Variants in CLYBL observed in about 807,000 individuals in gnomAD.
The protein encoded by CLYBL is citramalyl-CoA lyase, mitochondrial.
Under a neutral mutation model 38.9 loss-of-function variants are expected in CLYBL, and 31 were observed. That is an observed-to-expected ratio of 0.80 (90% CI 0.60 to 1.08). The LOEUF is 1.08. CLYBL is among the 50% of genes least tolerant of loss of function. The pLI, the probability that CLYBL is intolerant of heterozygous loss-of-function variation, is 0.00. For synonymous variants in CLYBL, 171 were observed against 158.6 expected (o/e 1.08, Z -0.59); for missense variants, 434 against 411.6 (o/e 1.05, Z -0.47).
At chr13:99,755,154 C>T (rs187122061) in intron 1 of CLYBL, among the ~76,000 whole-genome samples, 191 of 152,294 alleles carry the variant, frequency 1.3e-3, no homozygotes, top group African/African-American at 4.4e-3. Flanking sequence ...GCCTCGGCCT[C>T]CCAGAGTGCT....
In CLYBL at chr13:99,606,703, T is replaced by C. The variant is rs749597182; in HGVS notation, c.8T>C (p.Leu3Pro). 8 of 1,491,624 alleles carry C rather than the reference T, an allele frequency of 5.4e-6. No homozygotes were observed. Among genetic ancestry groups the C allele is most frequent in the Non-Finnish European group, 7.1e-6 (8 of 1,127,108 alleles). 92.4% of individuals were successfully genotyped at this position (1,491,624 alleles called of 1,614,324 possible). A position where few individuals can be genotyped will look rare whatever the true frequency, so the allele number is the denominator to read the frequency against. The change falls in exon 1 of 9, where the codon CTA becomes CCA. Residue 3 changes from leucine to proline, a missense_variant. Coordinates refer to ENST00000339105, the MANE Select transcript of CLYBL (RefSeq NM_206808.5). ...GGCGCGCGCGTCGGGAAGATGGCGC[T>C]ACGTCTGCTGCGGAGGGCGGCGCGC... The part of the protein sequence containing the change: MA[L>P]RLLRRAARGA...
chr13:99,778,081 C>T (rs1376975694), intron 2 of CLYBL, among the ~76,000 whole-genome samples: 1 of 152,212 alleles, frequency 6.6e-6, no homozygotes, highest in Non-Finnish European at 1.5e-5. Context: ...AGGTAACTGA[C>T]AGGAGCTCTG....
At chr13:99,613,597 A>T (rs575604887) in intron 1 of CLYBL, among the ~76,000 whole-genome samples, 1 of 152,248 alleles carries the variant, frequency 6.6e-6, no homozygotes, top group South Asian at 2.1e-4. Flanking sequence ...CAGAGGTGGG[A>T]GAAGAGGGAG....
At chr13:99,878,201 T>C (rs1456571768) in intron 7 of CLYBL, among the ~76,000 whole-genome samples, 2 of 152,194 alleles carry the variant, frequency 1.3e-5, no homozygotes, top group Non-Finnish European at 2.9e-5. Context: ...TCTAGAAAAA[T>C]TGAAAGAAGA....
chr13:99,654,288 C>T (rs957096600), intron 1 of CLYBL, among the ~76,000 whole-genome samples: 1 of 152,198 alleles, frequency 6.6e-6, no homozygotes, highest in Non-Finnish European at 1.5e-5. Flanking sequence ...GCAGCATTTG[C>T]ACCCCAGACC....
At chr13:99,826,723 A>G (rs1269120978) in intron 2 of CLYBL, among the ~76,000 whole-genome samples, 1 of 152,250 alleles carries the variant, frequency 6.6e-6, no homozygotes, top group Non-Finnish European at 1.5e-5. Flanking sequence ...TTACCTCATC[A>G]GAAGTGGGGA....
At chr13:99,866,084 G>A (rs547178508) in intron 5 of CLYBL, among the ~76,000 whole-genome samples, 156 bp from the exon 6 acceptor site, 9 of 152,242 alleles carry the variant, frequency 5.9e-5, no homozygotes, top group African/African-American at 1.2e-4. Flanking sequence ...GCCTCCACGC[G>A]TCCCTGTCTT....
chr13:99,859,694 G>C (rs1044755333), intron 3 of CLYBL, among the ~76,000 whole-genome samples: 5 of 152,182 alleles, frequency 3.3e-5, no homozygotes, highest in Admixed American at 3.3e-4. Context: ...ATGTAAAGTG[G>C]TTGGCATGTC....
At chr13:99,871,560 A>T (rs764980880) in intron 7 of CLYBL, among the ~76,000 whole-genome samples, 12 of 152,162 alleles carry the variant, frequency 7.9e-5, no homozygotes, top group South Asian at 6.2e-4. Flanking sequence ...CAATTTCTGG[A>T]CCTGAGATTT....
At chr13:99,822,534 G>A (rs1213303188) in intron 2 of CLYBL, among the ~76,000 whole-genome samples, 1 of 152,208 alleles carries the variant, frequency 6.6e-6, no homozygotes, top group Non-Finnish European at 1.5e-5. Flanking sequence ...ACACAATCAC[G>A]GGTCACCCCA....
chr13:99,701,092 A>G (rs1311423017), intron 1 of CLYBL, among the ~76,000 whole-genome samples: 1 of 152,102 alleles, frequency 6.6e-6, no homozygotes, highest in Admixed American at 6.5e-5. Context: ...AAAGTTAGAG[A>G]TGTTGCAGTG....
chr13:99,747,045 C>T (rs890125477), intron 1 of CLYBL, among the ~76,000 whole-genome samples: 15 of 152,182 alleles, frequency 9.9e-5, no homozygotes, highest in African/African-American at 3.4e-4. Context: ...AAAAATCCCT[C>T]CAGTTTTCCG....
intron 1 of CLYBL, among the ~76,000 whole-genome samples, chr13:99,712,404 G>A (rs988751564): frequency 4.8e-5 from 7 of 146,222 alleles, no homozygotes; most frequent in African/African-American, 1.0e-4. Context: ...GCGTGATCTC[G>A]GTTCACTGTG....
At chr13:99,777,621 T>C (rs1385931379) in intron 2 of CLYBL, among the ~76,000 whole-genome samples, 2 of 151,740 alleles carry the variant, frequency 1.3e-5, no homozygotes, top group African/African-American at 4.8e-5. Context: ...GCCTCCCGAG[T>C]AGCTGGGATT....
chr13:99,802,923 C>A (rs894592572), intron 2 of CLYBL, among the ~76,000 whole-genome samples: 1 of 152,182 alleles, frequency 6.6e-6, no homozygotes, highest in African/African-American at 2.4e-5. Flanking sequence ...TCACACTAGA[C>A]TGGACACTCT....
chr13:99,656,925 G>A (rs1044905939), intron 1 of CLYBL, among the ~76,000 whole-genome samples: 1 of 152,190 alleles, frequency 6.6e-6, no homozygotes, highest in Non-Finnish European at 1.5e-5. Flanking sequence ...TTACCAAGGT[G>A]CATGTGGTGT....
intron 2 of CLYBL, among the ~76,000 whole-genome samples, chr13:99,778,178 A>G (rs2049562149): frequency 6.6e-6 from 1 of 152,250 alleles, no homozygotes; most frequent in African/African-American, 2.4e-5. Flanking sequence ...TGGAAAGTCC[A>G]GATAAGCCTG....
intron 1 of CLYBL, among the ~76,000 whole-genome samples, chr13:99,707,160 A>G (rs1566615706): frequency 6.6e-6 from 1 of 152,208 alleles, no homozygotes; most frequent in Non-Finnish European, 1.5e-5. Flanking sequence ...GTGAAGGCTG[A>G]GCAGGTCATA....
chr13:99,758,389 A>C (rs2049104688), intron 1 of CLYBL, among the ~76,000 whole-genome samples: 1 of 152,200 alleles, frequency 6.6e-6, no homozygotes, highest in Admixed American at 6.5e-5. Flanking sequence ...GATTTTTTCA[A>C]CGCATCTTAA....
Sources: allele counts gnomAD v4.1 joint callset (sites outside exome capture counted in the v4.1 genomes callset), GRCh38; gene constraint gnomAD v4.1.1; transcripts MANE v1.5; gene names NCBI Gene and HGNC (gene_info 2026-07-23, HGNC 2026-07-21).